The following BRINP3 variants were observed in gnomAD, a reference collection of about 807,000 sequenced individuals.
The protein encoded by BRINP3 is BMP/retinoic acid-inducible neural-specific protein 3.
In BRINP3, 19 loss-of-function variants were observed where a neutral mutation model predicts 71.0. The observed-to-expected ratio is 0.27, with a 90% CI of 0.19 to 0.39. The LOEUF (loss-of-function observed/expected upper bound fraction) is 0.39, where lower values mean the gene tolerates loss of function less well. Among genes scored for constraint, BRINP3 ranks in the 10% least tolerant of loss-of-function variants. The pLI is 1.00. For synonymous variants in BRINP3, 380 were observed against 337.7 expected (o/e 1.13, Z -1.37); for missense variants, 959 against 940.8 (o/e 1.02, Z -0.25).
At chr1:190,264,763 A>G in intron 4 of BRINP3, 102 bp downstream of exon 4, 1 of 818,868 alleles carries the variant, frequency 1.2e-6, no homozygotes, top group South Asian at 2.5e-5. Context: ...TTATAAAATA[A>G]TTGTTTAAAT....
At chr1:190,142,750 G>A (rs1411499587) in intron 7 of BRINP3, among the ~76,000 whole-genome samples, 1 of 151,452 alleles carries the variant, frequency 6.6e-6, no homozygotes, top group African/African-American at 2.4e-5. Context: ...TTAAAAATAT[G>A]GAATTGAAGT....
intron 3 of BRINP3, among the ~76,000 whole-genome samples, chr1:190,268,860 T>A (rs184923975): frequency 2.2e-4 from 33 of 152,288 alleles, no homozygotes; most frequent in East Asian, 7.7e-4. Flanking sequence ...TTCTGAAAGT[T>A]GCCATAATAG....
chr1:190,363,121 G>C (rs1031338262), intron 2 of BRINP3, among the ~76,000 whole-genome samples: 1 of 152,130 alleles, frequency 6.6e-6, no homozygotes, highest in African/African-American at 2.4e-5. Context: ...ACTGATGTTT[G>C]AGAGGGCCTA....
chr1:190,146,865 T>C (rs761256285), intron 7 of BRINP3, among the ~76,000 whole-genome samples: 5 of 152,172 alleles, frequency 3.3e-5, no homozygotes, highest in Non-Finnish European at 5.9e-5. Flanking sequence ...TATATTGCAA[T>C]ATTAATTTAG....
At chr1:190,375,868 GT>G (rs1558230952) in intron 2 of BRINP3, among the ~76,000 whole-genome samples, 1 of 151,920 alleles carries the variant, frequency 6.6e-6, no homozygotes, top group East Asian at 1.9e-4. Context: ...TAGTGATTTT[GT>G]TTTTCCATTT....
At chr1:190,237,580 A>AT (rs1368856858) in intron 4 of BRINP3, among the ~76,000 whole-genome samples, 5 of 151,832 alleles carry the variant, frequency 3.3e-5, no homozygotes, top group South Asian at 2.1e-4. Context: ...AGCAATTGCC[A>AT]TTTTTTCTAC....
chr1:190,296,077 G>C (rs926053261), intron 2 of BRINP3, among the ~76,000 whole-genome samples: 24 of 144,294 alleles, frequency 1.7e-4, no homozygotes, highest in Admixed American at 5.5e-4. Context: ...TTTTTTTTTT[G>C]GGGGGGGGCT....
At chr1:190,345,927 A>G (rs914697297) in intron 2 of BRINP3, among the ~76,000 whole-genome samples, 1 of 151,928 alleles carries the variant, frequency 6.6e-6, no homozygotes, top group African/African-American at 2.4e-5. Flanking sequence ...ATCAAAATAA[A>G]GATAGCTTAA....
chr1:190,153,026 G>A (rs1025937265), intron 7 of BRINP3, among the ~76,000 whole-genome samples: 1 of 152,114 alleles, frequency 6.6e-6, no homozygotes, highest in African/African-American at 2.4e-5. Context: ...TTAGAGCCAT[G>A]GTGGCTGAAA....
At chr1:190,146,199 G>C (rs141680366) in intron 7 of BRINP3, among the ~76,000 whole-genome samples, 198 of 151,866 alleles carry the variant, frequency 1.3e-3, no homozygotes, top group Admixed American at 2.8e-3. Flanking sequence ...CAAAACTATT[G>C]GAATAATTTT....
At chr1:190,296,323 A>T (rs1278306000) in intron 2 of BRINP3, among the ~76,000 whole-genome samples, 1 of 152,130 alleles carries the variant, frequency 6.6e-6, no homozygotes, top group Non-Finnish European at 1.5e-5. Context: ...CAAAATCAAT[A>T]TAATTATCTC....
Position 190,366,881 on chromosome 1 carries a change from G to C in BRINP3, c.237-85131C>G, listed in dbSNP as rs370542302. On this transcript the variant is annotated intron_variant, in intron 2 of 7. Transcript: ENST00000367462. ...CAGGGCACACTGATGCAAGAGTTAG[G>C]CTCCAACAGCCTTGGGCAGCTCCAT... Among the ~76,000 whole-genome samples, 6 of 152,308 alleles carry C rather than the reference G, an allele frequency of 3.9e-5. No homozygotes were observed. The East Asian group carries it at 7.7e-4, about 20-fold the overall frequency.
chr1:190,436,238 T>C (rs528772962), intron 2 of BRINP3, among the ~76,000 whole-genome samples: 4 of 152,074 alleles, frequency 2.6e-5, no homozygotes, highest in Non-Finnish European at 5.9e-5. Flanking sequence ...TAGTTAGATA[T>C]AGACAAATGG....
chr1:190,341,903 T>G lies in BRINP3; in HGVS notation c.237-60153A>C, dbSNP rs562086429. Reference sequence around the variant, plus strand: ...TAGTGGCTTAAACATTATACAATTATGTTAAAGTTTTGCAAGTCAGAAGTC... The same window carrying G: ...TAGTGGCTTAAACATTATACAATTAGGTTAAAGTTTTGCAAGTCAGAAGTC... On this transcript the variant is annotated intron_variant, in intron 2 of 7. Transcript: ENST00000367462. Among the ~76,000 whole-genome samples, 3 of 151,944 alleles carry G rather than the reference T, an allele frequency of 2.0e-5. No individual in the cohort carries two copies. The South Asian group carries it at 6.2e-4, about 32-fold the overall frequency.
At chr1:190,244,693 A>T (rs1361996982) in intron 4 of BRINP3, among the ~76,000 whole-genome samples, 3 of 152,102 alleles carry the variant, frequency 2.0e-5, no homozygotes, top group Non-Finnish European at 4.4e-5. Flanking sequence ...AGGGTACTAA[A>T]GCAGGGAACC....
At chr1:190,459,045 T>A (rs946929507) in intron 1 of BRINP3, among the ~76,000 whole-genome samples, 1 of 151,592 alleles carries the variant, frequency 6.6e-6, no homozygotes. Flanking sequence ...GTATTTATGG[T>A]TTTTTTCATA....
chr1:190,288,181 T>A lies in BRINP3; in HGVS notation c.237-6431A>T, dbSNP rs111295629. 3.5e-3 allele frequency among the ~76,000 whole-genome samples: 537 copies of A among 152,048 alleles called. 5 individuals carry two copies. The highest frequency in any genetic ancestry group is 0.012 in the African/African-American group (500 of 41,534). On this transcript the variant is annotated intron_variant, in intron 2 of 7. Coordinates refer to ENST00000367462, the MANE Select transcript of BRINP3 (RefSeq NM_199051.3). ...CTATCACAAATATTATATCAACTTA[T>A]CAAAATTACTCCTTAATTACATTCA...
At chr1:190,456,608 A>T (rs1193140221) in intron 1 of BRINP3, among the ~76,000 whole-genome samples, 2 of 151,986 alleles carry the variant, frequency 1.3e-5, no homozygotes, top group Admixed American at 6.6e-5. Context: ...AATTTATTTT[A>T]AAATATAGCT....
At chr1:190,213,624 C>T (rs998376518) in intron 6 of BRINP3, among the ~76,000 whole-genome samples, 1 of 151,906 alleles carries the variant, frequency 6.6e-6, no homozygotes, top group African/African-American at 2.4e-5. Flanking sequence ...CTTTCATGCC[C>T]CTTGCCATGA....
Sources: allele counts gnomAD v4.1 joint callset (sites outside exome capture counted in the v4.1 genomes callset), GRCh38; gene constraint gnomAD v4.1.1; transcripts MANE v1.5; gene names NCBI Gene and HGNC (gene_info 2026-07-23, HGNC 2026-07-21).